The following CGNL1 variants were observed in gnomAD, a reference collection of about 807,000 sequenced individuals.
CGNL1 encodes cingulin like 1.
CGNL1 carries 132 observed loss-of-function variants against 141.2 expected under a neutral mutation model. The observed-to-expected ratio is 0.93, with a 90% CI of 0.81 to 1.08. The LOEUF is 1.08. Among genes scored for constraint, CGNL1 ranks in the 50% least tolerant of loss-of-function variants. The pLI, the probability that CGNL1 is intolerant of heterozygous loss-of-function variation, is 0.00. For missense variants in CGNL1, 1,870 were observed against 1,588.6 expected, an observed-to-expected ratio of 1.18 and a Z score of -3.01; for synonymous variants, 690 against 622.1, an observed-to-expected ratio of 1.11 and a Z score of -1.63.
intron 1 of CGNL1, among the ~76,000 whole-genome samples, chr15:57,389,938 C>T (rs2062524220): frequency 6.6e-6 from 1 of 152,166 alleles, no homozygotes; most frequent in African/African-American, 2.4e-5. Context: ...ATCTCAGCCT[C>T]CCAAGGAGCT....
intron 14 of CGNL1, among the ~76,000 whole-genome samples, chr15:57,542,748 G>C (rs148017507): frequency 2.2e-4 from 34 of 152,300 alleles, no homozygotes; most frequent in East Asian, 2.1e-3. Context: ...CCCATTCCTC[G>C]TTATGTACCT....
chr15:57,425,496 A>G (rs563856817), intron 1 of CGNL1, among the ~76,000 whole-genome samples: 2 of 152,370 alleles, frequency 1.3e-5, no homozygotes, highest in South Asian at 4.1e-4. Flanking sequence ...TAATCTCAGC[A>G]CTTTGGGAGG....
At chr15:57,452,106 T>C (rs777794023) in intron 5 of CGNL1, 35 bp from the exon 6 acceptor site, 1 of 1,598,910 alleles carries the variant, frequency 6.3e-7, no homozygotes, top group Non-Finnish European at 8.5e-7. Context: ...TAATGTACAG[T>C]GGAGGCTCTT....
chr15:57,525,177 C>T (rs549635455), intron 12 of CGNL1, among the ~76,000 whole-genome samples: 11 of 152,114 alleles, frequency 7.2e-5, no homozygotes, highest in South Asian at 6.2e-4. Context: ...ATGAGGGTGG[C>T]GGACAAGAGT....
intron 8 of CGNL1, among the ~76,000 whole-genome samples, chr15:57,488,691 C>A (rs369612065): frequency 7.2e-5 from 11 of 152,308 alleles, no homozygotes; most frequent in East Asian, 1.9e-4. Context: ...TAGGCATGAA[C>A]CTTTCGAGTG....
chr15:57,523,970 C>G (rs1349986566), intron 11 of CGNL1, among the ~76,000 whole-genome samples: 1 of 152,158 alleles, frequency 6.6e-6, no homozygotes, highest in Non-Finnish European at 1.5e-5. Context: ...ACCTTTGCAT[C>G]TCTATTGCTT....
At chr15:57,505,566 T>C (rs185116558) in intron 8 of CGNL1, among the ~76,000 whole-genome samples, 174 of 152,286 alleles carry the variant, frequency 1.1e-3, no homozygotes, top group Non-Finnish European at 1.5e-3. Flanking sequence ...CCTACTACTT[T>C]AAAGGAGGAA....
At chr15:57,433,297 T>C (rs2063066915) in intron 1 of CGNL1, among the ~76,000 whole-genome samples, 1 of 152,230 alleles carries the variant, frequency 6.6e-6, no homozygotes, top group African/African-American at 2.4e-5. Context: ...TCCTTAGTAT[T>C]GAGTTGTTTT....
chr15:57,379,747 T>A (rs1348644843), intron 1 of CGNL1, among the ~76,000 whole-genome samples: 1 of 152,110 alleles, frequency 6.6e-6, no homozygotes, highest in African/African-American at 2.4e-5. Context: ...ACCAAGTGCT[T>A]ACTTTTTTCA....
chr15:57,502,525 T>A (rs117018118), intron 8 of CGNL1, among the ~76,000 whole-genome samples: 76 of 152,300 alleles, frequency 5.0e-4, no homozygotes, highest in African/African-American at 1.8e-3. Context: ...GTAAGATGAA[T>A]GAAATACAGG....
At chr15:57,406,719 A>G (rs1432429481) in intron 1 of CGNL1, among the ~76,000 whole-genome samples, 1 of 152,218 alleles carries the variant, frequency 6.6e-6, no homozygotes, top group Non-Finnish European at 1.5e-5. Flanking sequence ...ACATGAGATC[A>G]TGGTAATCAA....
Position 57,546,125 on chromosome 15 carries a change from A to C in CGNL1, c.3659A>C (p.Glu1220Ala). The C allele has an allele frequency of 6.2e-7, 1 of 1,613,964 alleles. No homozygotes were observed. The highest frequency in any genetic ancestry group is 1.7e-5 in the Admixed American group (1 of 60,022). The change falls in exon 18 of 19, where the codon GAG (glutamate) becomes GCG (alanine). Residue 1220 changes from glutamate to alanine, a missense_variant. Physicochemically the swap from Glu to Ala is moderately radical, Grantham distance 107. Transcript: ENST00000281282. The stretch of plus-strand genomic sequence containing the variant: ...AAGCGGCAGGTGGAGGAGGCTGAGG[A>C]GGAAATCGACAGACTGGAAAGTTCT... ...AMKRQVEEAE[E>A]EIDRLESSKK...
Position 57,459,890 on chromosome 15 carries a change from A to G in CGNL1, c.2191-1790A>G, listed in dbSNP as rs570682923. ...GTAATCTTACTGAATCTGAGGTGCC[A>G]CAGGACATCCAGATGGGTTCATCTA... is the stretch of plus-strand genomic sequence containing the variant. On this transcript the variant is annotated intron_variant, in intron 7 of 18. Transcript: ENST00000281282. 1.2e-4 allele frequency among the ~76,000 whole-genome samples: 18 copies of G among 152,318 alleles called. 1 individual carries two copies. The highest frequency in any genetic ancestry group is 4.6e-4 in the Admixed American group (7 of 15,294).
intron 8 of CGNL1, among the ~76,000 whole-genome samples, chr15:57,508,062 T>C (rs572388979): frequency 1.3e-4 from 20 of 152,352 alleles, no homozygotes; most frequent in African/African-American, 4.8e-4. Context: ...ATTTTTGGCA[T>C]TGGAATCAAC....
At chr15:57,442,272 T>C in intron 3 of CGNL1, 101 bp from the exon 4 acceptor site, 1 of 547,136 alleles carries the variant, frequency 1.8e-6, no homozygotes, top group East Asian at 3.7e-5. Context: ...TCCTGCAAAT[T>C]ATCTCCTTAA....
At chr15:57,468,086 A>T (rs540378365) in intron 8 of CGNL1, among the ~76,000 whole-genome samples, 135 of 152,284 alleles carry the variant, frequency 8.9e-4, no homozygotes, top group Middle Eastern at 3.4e-3. Context: ...TCAGTGGGGT[A>T]TGGATGAAAC....
intron 1 of CGNL1, among the ~76,000 whole-genome samples, chr15:57,381,496 G>A (rs1304408343): frequency 1.3e-5 from 2 of 152,172 alleles, no homozygotes; most frequent in Non-Finnish European, 1.5e-5. Flanking sequence ...AGGAGGTTGA[G>A]GCTGCGGTGA....
At chr15:57,504,744 G>A (rs555761506) in intron 8 of CGNL1, among the ~76,000 whole-genome samples, 12 of 152,280 alleles carry the variant, frequency 7.9e-5, no homozygotes, top group African/African-American at 2.6e-4. Context: ...CATGTCACCT[G>A]CCACTTCTTG....
At chr15:57,378,802 C>CA (rs1396785394) in intron 1 of CGNL1, among the ~76,000 whole-genome samples, 3 of 152,142 alleles carry the variant, frequency 2.0e-5, no homozygotes, top group African/African-American at 7.2e-5. Flanking sequence ...TTGAAAAATA[C>CA]AAAAATGACA....
Sources: gnomAD v4.1 joint callset for allele counts (sites outside exome capture counted in the v4.1 genomes callset) on GRCh38, gnomAD v4.1.1 for gene constraint, MANE v1.5 for transcripts, NCBI Gene and HGNC (gene_info 2026-07-23, HGNC 2026-07-21) for gene names.